Variants in FBLN1 observed in about 807,000 individuals in gnomAD.
The protein encoded by FBLN1 is fibulin-1.
A neutral mutation model predicts 89.7 loss-of-function variants in FBLN1; 34 were observed. The observed-to-expected ratio is 0.38, with a 90% CI of 0.29 to 0.50. FBLN1 has a LOEUF of 0.50. Ranked by LOEUF, FBLN1 falls within the 20% of genes least tolerant of loss-of-function variation. The pLI, the probability that FBLN1 is intolerant of heterozygous loss-of-function variation, is 0.92. For missense variants in FBLN1, 777 were observed against 988.1 expected (o/e 0.79, Z 2.86); for synonymous variants, 393 against 391.3 (o/e 1.00, Z -0.05).
chr22:45,542,074 C>G lies in FBLN1; in HGVS notation c.1067-81C>G, dbSNP rs374218441. 37 of 1,602,802 alleles carry G rather than the reference C, an allele frequency of 2.3e-5. 1 individual carries two copies. In the East Asian group the frequency reaches 4.2e-4, roughly 18 times the overall value. On this transcript the variant is annotated intron_variant, in intron 9 of 16. Transcript: ENST00000327858. Reference sequence around the variant, plus strand: ...TGTTTCCATGTCCATGTGTTCCTTTCTTGCTTTCCTTTCTGATCATCTTGG... The same window carrying G: ...TGTTTCCATGTCCATGTGTTCCTTTGTTGCTTTCCTTTCTGATCATCTTGG...
chr22:45,503,206 T>C (rs2146930301), intron 1 of FBLN1, 142 bp downstream of exon 1: 8 of 174,084 alleles, frequency 4.6e-5, no homozygotes, highest in East Asian at 2.1e-4. Context: ...CGCCGAGGCC[T>C]CGGCGACGCC....
intron 1 of FBLN1, among the ~76,000 whole-genome samples, chr22:45,514,493 C>G (rs1264448624): frequency 1.3e-5 from 2 of 152,216 alleles, no homozygotes; most frequent in Non-Finnish European, 2.9e-5. Context: ...CCACCCCTAG[C>G]TCATCCCTGG....
Position 45,532,869 on chromosome 22 carries a change from A to C in FBLN1, c.545-194A>C. Reference sequence around the variant, plus strand: ...CGGGGAGGTTGGGACCTGAAGCAGCAGCCCCTGGGGGGTGTCCAGAGCCAG... The same window carrying C: ...CGGGGAGGTTGGGACCTGAAGCAGCCGCCCCTGGGGGGTGTCCAGAGCCAG... On this transcript the variant is annotated intron_variant, in intron 5 of 16. Coordinates refer to ENST00000327858, the MANE Select transcript of FBLN1 (RefSeq NM_006486.3). The surrounding 1 kb of genome is among the most constrained non-coding windows in gnomAD (Gnocchi z 4.2). 1 of 615,610 alleles carries C rather than the reference A, an allele frequency of 1.6e-6. No homozygotes were observed. The highest frequency in any genetic ancestry group is 2.9e-6 in the Non-Finnish European group (1 of 344,286). 38.1% of individuals were successfully genotyped at this position (615,610 alleles called of 1,614,324 possible). A position where few individuals can be genotyped will look rare whatever the true frequency, so the allele number is the denominator to read the frequency against.
chr22:45,586,993 T>C (rs967151108), intron 16 of FBLN1, among the ~76,000 whole-genome samples: 2 of 152,038 alleles, frequency 1.3e-5, no homozygotes, highest in Non-Finnish European at 2.9e-5. Context: ...GCCGTTCTCG[T>C]GAGCTTCTGG....
chr22:45,503,920 G>C (rs1308273607), intron 1 of FBLN1, among the ~76,000 whole-genome samples: 1 of 152,116 alleles, frequency 6.6e-6, no homozygotes, highest in African/African-American at 2.4e-5. Flanking sequence ...GTCCCTGGGG[G>C]GACTGCCACG....
intron 1 of FBLN1, among the ~76,000 whole-genome samples, chr22:45,506,377 A>G (rs570164592): frequency 5.9e-5 from 9 of 152,226 alleles, no homozygotes; most frequent in Non-Finnish European, 1.2e-4. Context: ...GTTCTTAGCC[A>G]TTCAGTCATT....
Position 45,600,417 on chromosome 22 carries a change from C to T in FBLN1, c.2083C>T (p.His695Tyr). ...VVSHRNVVNV[H>Y]IFVSEYWF ...CTCCCACCGAAATGTTGTCAACGTC[C>T]ACATCTTCGTCTCTGAGTACTGGTT... Residue 695 changes from histidine to tyrosine, a missense_variant, in exon 17 of 17, where the codon CAC becomes TAC. Transcript: ENST00000327858. The T allele has an allele frequency of 6.2e-7, 1 of 1,614,208 alleles. No homozygotes were observed. The highest frequency in any genetic ancestry group is 1.3e-5 in the African/African-American group (1 of 75,042).
chr22:45,582,560 C>T (rs966432626), intron 16 of FBLN1, among the ~76,000 whole-genome samples: 1 of 152,204 alleles, frequency 6.6e-6, no homozygotes, highest in African/African-American at 2.4e-5. Context: ...TTCCAGGACC[C>T]CTCCCAGCCT....
chr22:45,546,421 G>A lies in FBLN1; in HGVS notation c.1322-664G>A, dbSNP rs569314307. 2.4e-4 allele frequency among the ~76,000 whole-genome samples: 37 copies of A among 152,264 alleles called. 1 individual carries two copies. The highest frequency in any genetic ancestry group is 1.9e-3 in the Admixed American group (29 of 15,298). On this transcript the variant is annotated intron_variant, in intron 11 of 16. Coordinates refer to ENST00000327858, the MANE Select transcript of FBLN1 (RefSeq NM_006486.3). Reference sequence around the variant, plus strand: ...TAGTAGAGATGGGTTTCATCATGCTGGCCAGGCTGGTCTCGAACCCCTGAC... The same window carrying A: ...TAGTAGAGATGGGTTTCATCATGCTAGCCAGGCTGGTCTCGAACCCCTGAC...
chr22:45,559,303 A>G (rs946613917), intron 14 of FBLN1, among the ~76,000 whole-genome samples: 1 of 152,238 alleles, frequency 6.6e-6, no homozygotes, highest in Admixed American at 6.5e-5. Context: ...ACCAAGATCC[A>G]TCTGTCTTCT....
At chr22:45,569,919 A>G (rs1277972663) in intron 14 of FBLN1, among the ~76,000 whole-genome samples, 1 of 152,184 alleles carries the variant, frequency 6.6e-6, no homozygotes, top group Non-Finnish European at 1.5e-5. Context: ...AATAAGAGAC[A>G]GAATGATATC....
Position 45,545,488 on chromosome 22 carries a change from A to C in FBLN1, c.1322-1597A>C, listed in dbSNP as rs1318768440. On this transcript the variant is annotated intron_variant, in intron 11 of 16. Transcript: ENST00000327858. The surrounding 1 kb of genome is among the most constrained non-coding windows in gnomAD (Gnocchi z 5.9). ...TGGCTTGTGCTTCCTCTAGTCATTCATAAATTGCTGAAAAGTCGGCATTCA... is the reference window on the plus strand; with the variant it reads ...TGGCTTGTGCTTCCTCTAGTCATTCCTAAATTGCTGAAAAGTCGGCATTCA... 1.3e-5 allele frequency among the ~76,000 whole-genome samples: 2 copies of C among 152,234 alleles called. No homozygotes were observed. Among genetic ancestry groups the C allele is most frequent in the African/African-American group, 2.4e-5 (1 of 41,456 alleles).
At chr22:45,527,713 TA>T in intron 3 of FBLN1, 133 bp from the exon 4 acceptor site, 2 of 866,284 alleles carry the variant, frequency 2.3e-6, no homozygotes, top group Non-Finnish European at 3.8e-6. Context: ...AAGTGGTATC[TA>T]AGCCAGACTT....
rs138234762 is a variant in FBLN1 at position 45,537,503 on chromosome 22, C to T, written c.922+2166C>T. Among the ~76,000 whole-genome samples, 2,156 of 152,152 alleles carry T rather than the reference C, an allele frequency of 0.014. 50 individuals carry two copies. The highest frequency in any genetic ancestry group is 0.049 in the African/African-American group (2,047 of 41,488). On this transcript the variant is annotated intron_variant, in intron 8 of 16. Coordinates refer to ENST00000327858, the MANE Select transcript of FBLN1 (RefSeq NM_006486.3). The surrounding 1 kb of genome is among the most constrained non-coding windows in gnomAD (Gnocchi z 5.7). Reference sequence around the variant, plus strand: ...GTGTGGTGGTGGGCACCTTGTAATCCCAGCTACTCAAGATGCTGAGGCAGG... The same window carrying T: ...GTGTGGTGGTGGGCACCTTGTAATCTCAGCTACTCAAGATGCTGAGGCAGG...
chr22:45,544,963 T>C (rs2088607840), intron 11 of FBLN1, among the ~76,000 whole-genome samples: 1 of 152,218 alleles, frequency 6.6e-6, no homozygotes, highest in African/African-American at 2.4e-5. Flanking sequence ...ATCGTCCACA[T>C]TGCCGATGAC....
intron 16 of FBLN1, among the ~76,000 whole-genome samples, chr22:45,587,874 A>G (rs2089101868): frequency 6.6e-6 from 1 of 152,066 alleles, no homozygotes; most frequent in Admixed American, 6.5e-5. Flanking sequence ...CACGCTCCAC[A>G]TGCAGAGTGT....
chr22:45,589,809 CCACCCTCCCCGCAGAG>C (rs368699377), intron 16 of FBLN1, among the ~76,000 whole-genome samples: 2,780 of 152,010 alleles, frequency 0.018, 74 homozygotes, highest in African/African-American at 0.061. Context: ...CCTCATGTCT[CCACCCTCCCCGCAGAG>C]CACCCTCCCC....
At chr22:45,529,911 G>A (rs1039135027) in intron 4 of FBLN1, among the ~76,000 whole-genome samples, 1 of 152,112 alleles carries the variant, frequency 6.6e-6, no homozygotes, top group African/African-American at 2.4e-5. Context: ...GGTGCCGGAA[G>A]GGGCGAAAGG....
chr22:45,539,953 G>T (rs559942980), intron 8 of FBLN1, among the ~76,000 whole-genome samples: 1 of 152,304 alleles, frequency 6.6e-6, no homozygotes, highest in South Asian at 2.1e-4. Context: ...CCACCCAGCT[G>T]TTTCTCTAAA....
Sources: gnomAD v4.1 joint callset for allele counts (sites outside exome capture counted in the v4.1 genomes callset) on GRCh38, gnomAD v4.1.1 for gene constraint, Gnocchi (gnomAD v3.1) non-coding constraint, MANE v1.5 for transcripts, NCBI Gene and HGNC (gene_info 2026-07-23, HGNC 2026-07-21) for gene names.